Variants in STK3 observed in about 807,000 individuals in gnomAD.
STK3 encodes serine/threonine kinase 3.
Under a neutral mutation model 58.0 loss-of-function variants are expected in STK3, and 41 were observed. The observed-to-expected ratio is 0.71, with a 90% CI of 0.55 to 0.92. The LOEUF (loss-of-function observed/expected upper bound fraction) is 0.92, where lower values mean the gene tolerates loss of function less well. Ranked by LOEUF, STK3 falls within the 40% of genes least tolerant of loss-of-function variation. STK3 has a pLI of 0.00. For synonymous variants in STK3, 170 were observed against 191.0 expected, an observed-to-expected ratio of 0.89 and a Z score of 0.91; for missense variants, 479 against 602.7, an observed-to-expected ratio of 0.79 and a Z score of 2.15.
intron 8 of STK3, among the ~76,000 whole-genome samples, chr8:98,575,310 T>C (rs1380487238): frequency 6.6e-6 from 1 of 151,604 alleles, no homozygotes; most frequent in African/African-American, 2.4e-5. Context: ...CTCATTCCTA[T>C]TGCCTTGAGT....
intron 6 of STK3, among the ~76,000 whole-genome samples, chr8:98,610,063 G>C (rs2130187510): frequency 6.6e-6 from 1 of 151,904 alleles, no homozygotes; most frequent in Middle Eastern, 3.4e-3. Flanking sequence ...TAAGAATCTG[G>C]AAGAAAACTT....
chr8:98,743,681 A>C (rs919361110), intron 4 of STK3, among the ~76,000 whole-genome samples: 4 of 152,292 alleles, frequency 2.6e-5, no homozygotes, highest in South Asian at 2.1e-4. Flanking sequence ...ATGGGCAAGG[A>C]CTTCATGTCT....
intron 6 of STK3, among the ~76,000 whole-genome samples, chr8:98,613,283 T>A (rs1817342453): frequency 6.6e-6 from 1 of 151,996 alleles, no homozygotes; most frequent in Non-Finnish European, 1.5e-5. Context: ...TCTCAGAATA[T>A]AATGGGGAAA....
chr8:98,586,825 GGA>G (rs935833834), intron 7 of STK3, among the ~76,000 whole-genome samples: 6 of 151,792 alleles, frequency 4.0e-5, no homozygotes, highest in African/African-American at 1.5e-4. Context: ...TTTAGTCCTG[GGA>G]GAGTGTATGT....
intron 3 of STK3, among the ~76,000 whole-genome samples, chr8:98,841,359 G>A (rs1026320725): frequency 3.9e-5 from 6 of 152,266 alleles, no homozygotes; most frequent in Admixed American, 2.6e-4. Context: ...AACAATTGAT[G>A]TACAATAAAC....
chr8:98,904,342 C>A lies in STK3; in HGVS notation c.-78-20508G>T, dbSNP rs1179645389. 2.0e-5 allele frequency among the ~76,000 whole-genome samples: 3 copies of A among 152,076 alleles called. No individual in the cohort carries two copies. In the East Asian group the frequency reaches 5.8e-4, roughly 29 times the overall value. On this transcript the variant is annotated intron_variant, in intron 1 of 1. Coordinates refer to the STK3 transcript ENST00000519420. ...GGAAAAAGGGGATGCCAGCATAATC[C>A]TTACCTAGGGCTGTTCAGAGGCTGA... is the stretch of plus-strand genomic sequence containing the variant.
chr8:98,727,222 C>T (rs1017173856), intron 4 of STK3, among the ~76,000 whole-genome samples: 8 of 152,120 alleles, frequency 5.3e-5, no homozygotes, highest in African/African-American at 1.9e-4. Flanking sequence ...ACATGACCCA[C>T]GCAGAGGCAC....
chr8:98,935,328 T>C (rs1260193230), intron 1 of STK3, among the ~76,000 whole-genome samples: 1 of 152,236 alleles, frequency 6.6e-6, no homozygotes, highest in African/African-American at 2.4e-5. Context: ...ACCATATTGA[T>C]GCTGGCTTGT....
chr8:98,920,202 T>C (rs1246024796), intron 1 of STK3, among the ~76,000 whole-genome samples: 1 of 152,178 alleles, frequency 6.6e-6, no homozygotes, highest in African/African-American at 2.4e-5. Context: ...TGAAATTGCT[T>C]AAGAAACTTC....
At chr8:98,898,930 AC>A (rs1186982201) in intron 1 of STK3, among the ~76,000 whole-genome samples, 4 of 152,138 alleles carry the variant, frequency 2.6e-5, no homozygotes, top group Non-Finnish European at 4.4e-5. Context: ...CAGCCTGTGG[AC>A]CAATCCCCAG....
chr8:98,469,266 C>T (rs796596952), intron 10 of STK3, among the ~76,000 whole-genome samples: 5 of 138,764 alleles, frequency 3.6e-5, no homozygotes, highest in Non-Finnish European at 4.7e-5. Flanking sequence ...GGCGGGGGGG[C>T]GGTCTGAGAA....
intron 1 of STK3, among the ~76,000 whole-genome samples, chr8:98,801,988 G>A (rs1376598382): frequency 6.6e-6 from 1 of 152,126 alleles, no homozygotes; most frequent in Non-Finnish European, 1.5e-5. Flanking sequence ...CCTGGGCAAT[G>A]TAGCAAGATC....
At chr8:98,840,045 G>A (rs771706529) in intron 3 of STK3, among the ~76,000 whole-genome samples, 15 of 151,994 alleles carry the variant, frequency 9.9e-5, no homozygotes, top group Non-Finnish European at 2.2e-4. Flanking sequence ...AAAATAAAGA[G>A]TAAGGGCATT....
At chr8:98,344,630 A>C in the STK3 span, among the ~76,000 whole-genome samples, 1 of 152,114 alleles carries the variant, frequency 6.6e-6, no homozygotes, top group South Asian at 2.1e-4. Context: ...GCGGTGGCTC[A>C]CGCCTGTAAT....
At chr8:98,600,414 G>C (rs1473372177) in intron 6 of STK3, among the ~76,000 whole-genome samples, 2 of 152,184 alleles carry the variant, frequency 1.3e-5, no homozygotes, top group African/African-American at 4.8e-5. Flanking sequence ...ACTTAGAATA[G>C]TGCCTGGCAC....
intron 3 of STK3, among the ~76,000 whole-genome samples, chr8:98,403,761 G>C (rs986095162): frequency 6.6e-6 from 1 of 152,212 alleles, no homozygotes; most frequent in Non-Finnish European, 1.5e-5. Context: ...AGTAGACTGC[G>C]TGCTATAGGC....
intron 3 of STK3, among the ~76,000 whole-genome samples, chr8:98,835,023 T>G (rs1835696246): frequency 6.6e-6 from 1 of 152,106 alleles, no homozygotes; most frequent in Non-Finnish European, 1.5e-5. Flanking sequence ...TATCACAAAG[T>G]TCAGGAACAT....
At chr8:98,941,936 G>A (rs528338709) in intron 1 of STK3, among the ~76,000 whole-genome samples, 2 of 152,342 alleles carry the variant, frequency 1.3e-5, no homozygotes, top group East Asian at 1.9e-4. Context: ...GCCGCGGCAG[G>A]AATGGAACGG....
chr8:98,741,696 A>C (rs565706093), intron 4 of STK3, among the ~76,000 whole-genome samples: 7 of 152,300 alleles, frequency 4.6e-5, no homozygotes, highest in African/African-American at 1.7e-4. Flanking sequence ...CTAGAAAAGC[A>C]AGAGCAAACA....
Sources: allele counts gnomAD v4.1 joint callset (sites outside exome capture counted in the v4.1 genomes callset), GRCh38; gene constraint gnomAD v4.1.1; transcripts MANE v1.5; gene names NCBI Gene and HGNC (gene_info 2026-07-23, HGNC 2026-07-21).